CCDC28B: variants seen among roughly 807,000 people sequenced by gnomAD.
CCDC28B encodes the protein coiled-coil domain containing 28B, also known as coiled-coil domain-containing protein 28B.
CCDC28B carries 17 observed loss-of-function variants against 18.7 expected under a neutral mutation model. That is an observed-to-expected ratio of 0.91 (90% CI 0.62 to 1.36). The LOEUF (loss-of-function observed/expected upper bound fraction) is 1.36. CCDC28B is among the 40% of genes most tolerant of loss of function. CCDC28B has a pLI of 0.00. For missense variants in CCDC28B, 213 were observed against 251.7 expected, an observed-to-expected ratio of 0.85 and a Z score of 1.04; for synonymous variants, 116 against 105.1, an observed-to-expected ratio of 1.10 and a Z score of -0.64.
chr1:32,199,332 C>T (rs984583974), upstream of CCDC28B, among the ~76,000 whole-genome samples: 2 of 152,106 alleles, frequency 1.3e-5, no homozygotes, highest in South Asian at 4.1e-4. Flanking sequence ...TCCATGCTGG[C>T]CATGTTATTT....
At chr1:32,198,949 C>G (rs79387004), upstream of CCDC28B, among the ~76,000 whole-genome samples, 2,071 of 152,288 alleles carry the variant, frequency 0.014, 130 homozygotes, top group Admixed American at 0.099. Flanking sequence ...CTCATCACTG[C>G]TATTTGGGTC....
At chr1:32,202,515 T>A (rs1274452110) in intron 2 of CCDC28B, 1 of 356,132 alleles carries the variant, frequency 2.8e-6, no homozygotes, top group South Asian at 2.1e-5. Flanking sequence ...CTCTGTTGAA[T>A]TTTTTTTATG....
Position 32,204,328 on chromosome 1 carries a change from G to A in CCDC28B, c.474G>A (p.Glu158=). Residue 158 remains glutamate, a synonymous_variant, in exon 4 of 6, where the codon GAG becomes GAA. Transcript: ENST00000373602. Reference sequence around the variant, plus strand: ...ATGGGGTCACTGAGGGGCTGCCAGAGGAGCAGAAGAAGACAATGGCTGACC... The same window carrying A: ...ATGGGGTCACTGAGGGGCTGCCAGAAGAGCAGAAGAAGACAATGGCTGACC... The part of the protein sequence containing the change: ...EEDGVTEGLP[E]EQKKTMADRN... 5 of 1,609,114 alleles carry A rather than the reference G, an allele frequency of 3.1e-6. No individual in the cohort carries two copies. The highest frequency in any genetic ancestry group is 2.2e-5 in the East Asian group (1 of 44,852).
chr1:32,205,352 G>T lies in CCDC28B; in HGVS notation c.*104G>T. ...GGCCCCCCAGGTGCTATGGGGGAGG[G>T]GGGCGTTGAATGGAATTAAACCAGA... On this transcript the variant is annotated 3_prime_UTR_variant, in exon 6 of 6. Transcript: ENST00000373602. The surrounding 1 kb of genome is among the most constrained non-coding windows in gnomAD (Gnocchi z 5.6). 2 of 1,205,838 alleles carry T rather than the reference G, an allele frequency of 1.7e-6. No homozygotes were observed. Among genetic ancestry groups the T allele is most frequent in the South Asian group, 1.5e-5 (1 of 65,904 alleles). 74.7% of individuals were successfully genotyped at this position (1,205,838 alleles called of 1,614,324 possible). A position where few individuals can be genotyped will look rare whatever the true frequency, so the allele number is the denominator to read the frequency against.
At chr1:32,199,732 G>T (rs1643108081), upstream of CCDC28B, among the ~76,000 whole-genome samples, 1 of 152,240 alleles carries the variant, frequency 6.6e-6, no homozygotes, top group African/African-American at 2.4e-5. Context: ...CGGGGATGGG[G>T]AAGGTGGGCT....
chr1:32,201,724 T>C (rs757581076), intron 1 of CCDC28B, 189 bp from the exon 2 acceptor site: 25 of 480,824 alleles, frequency 5.2e-5, no homozygotes, highest in Middle Eastern at 5.3e-4. Flanking sequence ...GGTTGGGCCT[T>C]AGAAGGTCCT....
intron 1 of CCDC28B, chr1:32,201,596 T>C (rs1181959237): frequency 4.6e-6 from 1 of 217,770 alleles, no homozygotes; most frequent in Non-Finnish European, 9.0e-6. Context: ...CCACTACATT[T>C]CCTCTGCCAG....
At chr1:32,202,881 C>A (rs1313195282) in intron 2 of CCDC28B, 1 of 153,298 alleles carries the variant, frequency 6.5e-6, no homozygotes, top group Non-Finnish European at 1.5e-5. Context: ...AGCCTATAAT[C>A]CCAGCACTTG....
chr1:32,199,707 G>A (rs72666781), upstream of CCDC28B, among the ~76,000 whole-genome samples: 14,561 of 152,218 alleles, frequency 0.096, 893 homozygotes, highest in South Asian at 0.25. Context: ...CCAACCCCAG[G>A]AAGCCACTCC....
In CCDC28B at chr1:32,203,897, C is replaced by T. The variant is rs1308617120; in HGVS notation, c.183C>T (p.Cys61=). The stretch of plus-strand genomic sequence containing the variant: ...CACCCAGAGTAGGCAAAGAGAAGTG[C>T]CGCCCAGTCCTGGCTGGAGGTGGAA... ...AKFKRVGKEK[C]RPVLAGGGSG... Residue 61 remains cysteine, a synonymous_variant, in exon 3 of 6, where the codon TGC becomes TGT. Coordinates refer to ENST00000373602, the MANE Select transcript of CCDC28B (RefSeq NM_024296.5). 6.6e-7 allele frequency: 1 copy of T among 1,512,146 alleles called. No individual in the cohort carries two copies. The highest frequency in any genetic ancestry group is 1.3e-5 in the South Asian group (1 of 74,916). The allele number at this position is 1,512,146 out of a possible 1,614,324, so 93.7% of individuals were successfully genotyped here.
At chr1:32,197,864 C>G (rs1339069537), upstream of CCDC28B, 3 of 152,204 alleles carry the variant, frequency 2.0e-5, no homozygotes, top group Admixed American at 2.0e-4. This position sits in a 1 kb window ranked among gnomAD's most constrained non-coding sequence, Gnocchi z 4.6. Flanking sequence ...GGACCATGGG[C>G]TGAGCTCAGG....
upstream of CCDC28B, among the ~76,000 whole-genome samples, chr1:32,199,895 T>C (rs1643112012): frequency 6.6e-6 from 1 of 152,216 alleles, no homozygotes; most frequent in African/African-American, 2.4e-5. Context: ...CCCATTGATC[T>C]GGCTGCAGGC....
chr1:32,202,245 C>G, intron 2 of CCDC28B, 146 bp downstream of exon 2: 1 of 1,032,894 alleles, frequency 9.7e-7, no homozygotes. Flanking sequence ...AGAGCTCACT[C>G]AGACCCAGTC....
At chr1:32,203,444 G>A (rs996927429) in intron 2 of CCDC28B, among the ~76,000 whole-genome samples, 5 of 152,092 alleles carry the variant, frequency 3.3e-5, no homozygotes, top group Admixed American at 1.3e-4. Context: ...GCAACAGAGC[G>A]AGACTCTGTC....
chr1:32,203,306 A>G (rs1643197036), intron 2 of CCDC28B: 1 of 151,884 alleles, frequency 6.6e-6, no homozygotes. Context: ...AAAGTAAAAA[A>G]AATTAGCAGG....
intron 4 of CCDC28B, 41 bp from the exon 5 acceptor site, chr1:32,204,557 C>T (rs759867808): frequency 1.4e-5 from 21 of 1,535,106 alleles, no homozygotes; most frequent in Middle Eastern, 4.3e-4. Context: ...TGGCCTGGTT[C>T]CCCTCCTAAC....
chr1:32,196,442 T>C (rs991506999), upstream of CCDC28B: 2 of 152,196 alleles, frequency 1.3e-5, no homozygotes, highest in African/African-American at 2.4e-5. Context: ...TGGGAGCCCA[T>C]AGCTGTTGTC....
upstream of CCDC28B, chr1:32,200,331 C>T (rs1030009800): frequency 6.6e-6 from 1 of 152,598 alleles, no homozygotes; most frequent in Non-Finnish European, 1.5e-5. Flanking sequence ...TACATTCTCT[C>T]TCTCTCACTC....
intron 2 of CCDC28B, 136 bp downstream of exon 2, chr1:32,202,235 A>T: frequency 8.6e-7 from 1 of 1,157,940 alleles, no homozygotes; most frequent in South Asian, 1.3e-5. Context: ...CTGAGAACTC[A>T]GAGCTCACTC....
Sources: allele counts gnomAD v4.1 joint callset (sites outside exome capture counted in the v4.1 genomes callset), GRCh38; gene constraint gnomAD v4.1.1; non-coding constraint Gnocchi (gnomAD v3.1); transcripts MANE v1.5; gene names NCBI Gene and HGNC (gene_info 2026-07-23, HGNC 2026-07-21).